The following CSMD1 variants were observed in gnomAD, a reference collection of about 807,000 sequenced individuals.
CSMD1 encodes CUB and sushi domain-containing protein 1.
Under a neutral mutation model 417.5 loss-of-function variants are expected in CSMD1, and 213 were observed. That is an observed-to-expected ratio of 0.51 (90% confidence interval 0.46 to 0.57). The LOEUF (loss-of-function observed/expected upper bound fraction) is 0.57. Ranked by LOEUF, CSMD1 falls within the 20% of genes least tolerant of loss-of-function variation. The pLI, the probability that CSMD1 is intolerant of heterozygous loss-of-function variation, is 0.00. For missense variants in CSMD1, 6,923 were observed against 4,529.7 expected, an observed-to-expected ratio of 1.53 and a Z score of -15.17; for synonymous variants, 2,862 against 1,736.8, an observed-to-expected ratio of 1.65 and a Z score of -16.11.
chr8:4,324,136 T>C (rs1799421302), intron 3 of CSMD1, among the ~76,000 whole-genome samples: 1 of 152,208 alleles, frequency 6.6e-6, no homozygotes, highest in African/African-American at 2.4e-5. Flanking sequence ...TAACTGCTGC[T>C]GTGCAATTAT....
chr8:3,503,489 T>C (rs554520575), intron 10 of CSMD1, among the ~76,000 whole-genome samples: 1 of 152,248 alleles, frequency 6.6e-6, no homozygotes, highest in Admixed American at 6.5e-5. Context: ...CGGCATCAGC[T>C]GGCAGGAAGC....
chr8:4,554,710 T>C (rs12545065), intron 2 of CSMD1, among the ~76,000 whole-genome samples: 2,016 of 152,264 alleles, frequency 0.013, 24 homozygotes, highest in Middle Eastern at 0.024. Flanking sequence ...AAAAATTAGG[T>C]TTGCAAGTTT....
At chr8:2,997,554 C>G (rs111704249) in intron 54 of CSMD1, among the ~76,000 whole-genome samples, 1 of 151,738 alleles carries the variant, frequency 6.6e-6, no homozygotes, top group Non-Finnish European at 1.5e-5. Flanking sequence ...TCTAGAAATG[C>G]AAAAAAGAAC....
chr8:4,496,955 T>C (rs1004567549), intron 2 of CSMD1, among the ~76,000 whole-genome samples: 5 of 152,090 alleles, frequency 3.3e-5, no homozygotes, highest in Non-Finnish European at 7.4e-5. Context: ...AGCAAACTAA[T>C]AGCTTACAAA....
chr8:3,240,971 C>A (rs1293932323), intron 26 of CSMD1, among the ~76,000 whole-genome samples: 1 of 151,448 alleles, frequency 6.6e-6, no homozygotes, highest in Non-Finnish European at 1.5e-5. Flanking sequence ...TGGCATTGAG[C>A]AGGGTAAGGG....
intron 1 of CSMD1, among the ~76,000 whole-genome samples, chr8:4,839,154 C>G (rs1198556242): frequency 6.6e-6 from 1 of 152,150 alleles, no homozygotes; most frequent in African/African-American, 2.4e-5. Flanking sequence ...GTAACTAAAA[C>G]CATCCTTCTT....
chr8:4,930,430 C>T (rs570150789), intron 1 of CSMD1, among the ~76,000 whole-genome samples: 10 of 152,048 alleles, frequency 6.6e-5, no homozygotes, highest in South Asian at 2.1e-4. Flanking sequence ...TGAGAAGTGG[C>T]GCTTAAAGAG....
intron 10 of CSMD1, among the ~76,000 whole-genome samples, chr8:3,516,823 G>C (rs1255767031): frequency 2.6e-5 from 4 of 152,088 alleles, no homozygotes; most frequent in African/African-American, 4.8e-5. Context: ...CCATCGCTGA[G>C]TATCTACCCA....
At chr8:3,755,958 G>C (rs890456747) in intron 5 of CSMD1, among the ~76,000 whole-genome samples, 1 of 151,732 alleles carries the variant, frequency 6.6e-6, no homozygotes, top group Non-Finnish European at 1.5e-5. Flanking sequence ...AAATTCTATA[G>C]GCCACATACT....
At chr8:4,955,245 T>C (rs13269761) in intron 1 of CSMD1, among the ~76,000 whole-genome samples, 10,481 of 152,288 alleles carry the variant, frequency 0.069, 492 homozygotes, top group Non-Finnish European at 0.11. Flanking sequence ...CAATGCATCT[T>C]TGAAACACAG....
At chr8:3,556,112 C>G (rs979436334) in intron 10 of CSMD1, among the ~76,000 whole-genome samples, 4 of 152,026 alleles carry the variant, frequency 2.6e-5, no homozygotes, top group Non-Finnish European at 4.4e-5. Flanking sequence ...AGACTCCTCA[C>G]AAAACCCAGC....
chr8:3,400,826 C>T (rs1031530946), intron 15 of CSMD1, among the ~76,000 whole-genome samples: 2 of 150,670 alleles, frequency 1.3e-5, no homozygotes, highest in Middle Eastern at 3.5e-3. Context: ...TATATTTTTC[C>T]CAAATAAGTT....
At chr8:3,174,892 C>T (rs1393956161) in intron 37 of CSMD1, among the ~76,000 whole-genome samples, 1 of 151,922 alleles carries the variant, frequency 6.6e-6, no homozygotes, top group Non-Finnish European at 1.5e-5. Flanking sequence ...TCTAGATATT[C>T]TTATTTTTTA....
chr8:3,362,124 G>A (rs1056647492), intron 20 of CSMD1, among the ~76,000 whole-genome samples: 16 of 151,970 alleles, frequency 1.1e-4, no homozygotes, highest in African/African-American at 2.7e-4. Context: ...GCGTTACACG[G>A]TCAATCTTAA....
chr8:4,897,593 G>T (rs1355366669), intron 1 of CSMD1, among the ~76,000 whole-genome samples: 1 of 152,028 alleles, frequency 6.6e-6, no homozygotes, highest in African/African-American at 2.4e-5. Flanking sequence ...AATTCTTAGT[G>T]ACCAATACAA....
intron 8 of CSMD1, among the ~76,000 whole-genome samples, chr8:3,589,448 T>TA (rs978723727): frequency 2.0e-5 from 3 of 151,846 alleles, no homozygotes; most frequent in Non-Finnish European, 2.9e-5. Flanking sequence ...CAGCCTTTTT[T>TA]AAAAAAGAGG....
Position 4,513,521 on chromosome 8 carries a change from G to C in CSMD1, c.303-93456C>G, listed in dbSNP as rs141518062. Among the ~76,000 whole-genome samples the C allele has an allele frequency of 9.1e-4, 139 of 152,276 alleles. 1 individual carries two copies. In the East Asian group the frequency reaches 0.017, roughly 19 times the overall value. The stretch of plus-strand genomic sequence containing the variant: ...TGTAACATTTACTCTTTAAGTTAGA[G>C]AAGAACTCTCGTTTCATGAAATCTT... On this transcript the variant is annotated intron_variant, in intron 2 of 69. Coordinates refer to ENST00000635120, the MANE Select transcript of CSMD1 (RefSeq NM_033225.6).
At chr8:3,208,565 A>G (rs933476412) in intron 30 of CSMD1, among the ~76,000 whole-genome samples, 1 of 152,020 alleles carries the variant, frequency 6.6e-6, no homozygotes, top group Non-Finnish European at 1.5e-5. Flanking sequence ...ACGCCCGGCC[A>G]TATGTTTTGT....
intron 1 of CSMD1, among the ~76,000 whole-genome samples, chr8:4,671,995 C>A (rs1439038594): frequency 1.3e-5 from 2 of 152,174 alleles, no homozygotes. Context: ...GAACATCCAG[C>A]ATGGTTTGGG....
Sources: gnomAD v4.1 joint callset for allele counts (sites outside exome capture counted in the v4.1 genomes callset) on GRCh38, gnomAD v4.1.1 for gene constraint, MANE v1.5 for transcripts, NCBI Gene and HGNC (gene_info 2026-07-23, HGNC 2026-07-21) for gene names.